ENOX1: variants seen among roughly 807,000 people sequenced by gnomAD.
ENOX1 encodes ecto-NOX disulfide-thiol exchanger 1.
ENOX1 carries 42 observed loss-of-function variants against 82.5 expected under a neutral mutation model. That is an observed-to-expected ratio of 0.51 (90% CI 0.40 to 0.66). The LOEUF (loss-of-function observed/expected upper bound fraction) is 0.66. ENOX1 is among the 30% of genes least tolerant of loss of function. ENOX1 has a pLI of 0.00. For missense variants in ENOX1, 608 were observed against 811.6 expected (o/e 0.75, Z 3.05); for synonymous variants, 271 against 282.2 (o/e 0.96, Z 0.40).
At chr13:43,456,412 C>A (rs186654528) in intron 3 of ENOX1, among the ~76,000 whole-genome samples, 1 of 151,986 alleles carries the variant, frequency 6.6e-6, no homozygotes, top group East Asian at 1.9e-4. Context: ...GTCTAGTTTC[C>A]AAGGGAAACC....
Position 43,725,077 on chromosome 13 carries a change from A to C in ENOX1, c.-284-57533T>G, listed in dbSNP as rs2088847928. ...AAGTTCTCTGGCATACCTGGAATTCAGACATGATTACATGGATATATGTCT... is the reference window on the plus strand; with the variant it reads ...AAGTTCTCTGGCATACCTGGAATTCCGACATGATTACATGGATATATGTCT... On this transcript the variant is annotated intron_variant, in intron 1 of 16. Transcript: ENST00000690772. Among the ~76,000 whole-genome samples the C allele has an allele frequency of 2.0e-5, 3 of 152,208 alleles. No homozygotes were observed. In the South Asian group the frequency reaches 6.2e-4, roughly 32 times the overall value.
Position 43,444,435 on chromosome 13 carries a change from C to G in ENOX1, c.-74-31447G>C, listed in dbSNP as rs180980547. ...AAAGGAAGAGTAGAAAAGCAAGGTC[C>G]CCTGGGTGGACCTGGAGAGAGAAAA... On this transcript the variant is annotated intron_variant, in intron 3 of 16. Transcript: ENST00000690772. Among the ~76,000 whole-genome samples, 91 of 152,208 alleles carry G rather than the reference C, an allele frequency of 6.0e-4. 1 individual carries two copies. In the East Asian group the frequency reaches 0.011, roughly 19 times the overall value.
chr13:43,424,523 C>T (rs2055169530), intron 3 of ENOX1, among the ~76,000 whole-genome samples: 2 of 152,186 alleles, frequency 1.3e-5, no homozygotes, highest in South Asian at 4.1e-4. Context: ...TAACATTTCT[C>T]CCAGTAGGGT....
intron 3 of ENOX1, among the ~76,000 whole-genome samples, chr13:43,479,111 G>T (rs1289289734): frequency 6.6e-6 from 1 of 152,096 alleles, no homozygotes; most frequent in African/African-American, 2.4e-5. Flanking sequence ...GATGGAACTG[G>T]GTGTTGGCAA....
At chr13:43,257,719 C>T (rs1332418465) in intron 14 of ENOX1, among the ~76,000 whole-genome samples, 5 of 152,158 alleles carry the variant, frequency 3.3e-5, no homozygotes, top group Non-Finnish European at 7.4e-5. Context: ...TGTATATTGG[C>T]TCTATAAAAG....
At chr13:43,636,574 T>C (rs1323987330) in intron 2 of ENOX1, among the ~76,000 whole-genome samples, 9 of 152,342 alleles carry the variant, frequency 5.9e-5, no homozygotes, top group Admixed American at 2.0e-4. Context: ...AATTATCCTA[T>C]ATTTGACACT....
intron 9 of ENOX1, among the ~76,000 whole-genome samples, chr13:43,335,486 CTA>C (rs1398744305): frequency 6.6e-6 from 1 of 152,058 alleles, no homozygotes; most frequent in Non-Finnish European, 1.5e-5. Context: ...TACCCCAATG[CTA>C]TCAACACACA....
chr13:43,488,857 G>A (rs186652863), intron 2 of ENOX1, among the ~76,000 whole-genome samples: 7 of 152,208 alleles, frequency 4.6e-5, no homozygotes, highest in African/African-American at 7.2e-5. Flanking sequence ...AAATGGCAAA[G>A]AATTATGCTG....
At chr13:43,698,296 C>G (rs561330041) in intron 1 of ENOX1, among the ~76,000 whole-genome samples, 1 of 152,188 alleles carries the variant, frequency 6.6e-6, no homozygotes, top group Non-Finnish European at 1.5e-5. Context: ...AATCACAACT[C>G]CTACATAAGT....
At chr13:43,738,098 T>C (rs2089720693) in intron 1 of ENOX1, among the ~76,000 whole-genome samples, 1 of 152,252 alleles carries the variant, frequency 6.6e-6, no homozygotes, top group Non-Finnish European at 1.5e-5. Context: ...AATTAAATGG[T>C]ATTTTCCAAA....
At chr13:43,447,937 G>A (rs1312293053) in intron 3 of ENOX1, among the ~76,000 whole-genome samples, 1 of 152,164 alleles carries the variant, frequency 6.6e-6, no homozygotes, top group African/African-American at 2.4e-5. Flanking sequence ...GAGCAGAAAA[G>A]CATATACAGA....
intron 2 of ENOX1, among the ~76,000 whole-genome samples, chr13:43,507,428 AG>A (rs1314070189): frequency 6.6e-6 from 1 of 152,054 alleles, no homozygotes; most frequent in Admixed American, 6.6e-5. Context: ...GGAAAAAATT[AG>A]TAACTTACAA....
chr13:43,352,667 A>C (rs1361292462), intron 8 of ENOX1, among the ~76,000 whole-genome samples: 2 of 152,210 alleles, frequency 1.3e-5, no homozygotes, highest in East Asian at 3.8e-4. Flanking sequence ...AACCAGCAGG[A>C]TGCTTACTAA....
At chr13:43,488,931 G>A (rs2076523474) in intron 2 of ENOX1, among the ~76,000 whole-genome samples, 1 of 152,160 alleles carries the variant, frequency 6.6e-6, no homozygotes, top group South Asian at 2.1e-4. Flanking sequence ...TAGACTATTT[G>A]GTGGAGTAAA....
At chr13:43,278,180 G>A (rs2045171574) in intron 12 of ENOX1, among the ~76,000 whole-genome samples, 1 of 152,074 alleles carries the variant, frequency 6.6e-6, no homozygotes, top group Non-Finnish European at 1.5e-5. Flanking sequence ...TTAATAATAT[G>A]TATGTAATCT....
In ENOX1 at chr13:43,428,441, T is replaced by C. The variant is rs149982210; in HGVS notation, c.-74-15453A>G. Among the ~76,000 whole-genome samples, 37 of 152,262 alleles carry C rather than the reference T, an allele frequency of 2.4e-4. No individual in the cohort carries two copies. In the East Asian group the frequency reaches 7.2e-3, roughly 29 times the overall value. On this transcript the variant is annotated intron_variant, in intron 3 of 16. Transcript: ENST00000690772. ...GGACTGTCCAGGTCCATTCTCCCCA[T>C]GTCAACAGCTTCTATTTGCAATCTC...
At position 43,443,034 on chromosome 13, in the gene ENOX1, C is replaced by T. The variant is rs1405164581; in HGVS notation, c.-74-30046G>A. ...TGCCTTTATCATTCTGGGAAAAATA[C>T]TACCCTATAAAAGCCACATCCTCTG... On this transcript the variant is annotated intron_variant, in intron 3 of 16. Transcript: ENST00000690772. 2.6e-5 allele frequency among the ~76,000 whole-genome samples: 4 copies of T among 152,128 alleles called. No homozygotes were observed. The East Asian group carries it at 5.8e-4, about 22-fold the overall frequency.
At chr13:43,517,838 C>T (rs1025687062) in intron 2 of ENOX1, among the ~76,000 whole-genome samples, 4 of 152,112 alleles carry the variant, frequency 2.6e-5, no homozygotes, top group Non-Finnish European at 5.9e-5. Flanking sequence ...AACCCTCATT[C>T]CTTCCACCAT....
At chr13:43,769,965 C>A (rs538286127) in intron 1 of ENOX1, among the ~76,000 whole-genome samples, 1 of 152,162 alleles carries the variant, frequency 6.6e-6, no homozygotes, top group Non-Finnish European at 1.5e-5. Context: ...GCAAAAGGAG[C>A]GTATCTTTTG....
Sources: allele counts gnomAD v4.1 joint callset (sites outside exome capture counted in the v4.1 genomes callset), GRCh38; gene constraint gnomAD v4.1.1; transcripts MANE v1.5; gene names NCBI Gene and HGNC (gene_info 2026-07-23, HGNC 2026-07-21).